CCDC88C: variants seen among roughly 807,000 people sequenced by gnomAD.
CCDC88C encodes protein Daple.
A neutral mutation model predicts 198.8 loss-of-function variants in CCDC88C; 131 were observed. The ratio of observed to expected loss-of-function variants is 0.66; its 90% CI spans 0.57 to 0.76. The LOEUF is 0.76. Among genes scored for constraint, CCDC88C ranks in the 30% least tolerant of loss-of-function variants. The probability of loss-of-function intolerance (pLI) is 0.00; values close to 1 mark genes in which losing one functional copy is unlikely to be tolerated. For missense variants in CCDC88C, 2,553 were observed against 2,631.6 expected (o/e 0.97, Z 0.65); for synonymous variants, 1,166 against 1,114.7 (o/e 1.05, Z -0.92).
chr14:91,304,752 G>A (rs1187989717), intron 19 of CCDC88C, among the ~76,000 whole-genome samples: 2 of 152,110 alleles, frequency 1.3e-5, no homozygotes, highest in Admixed American at 6.6e-5. Flanking sequence ...GAAGAGGAGG[G>A]AATACTTCCC....
intron 6 of CCDC88C, among the ~76,000 whole-genome samples, chr14:91,340,865 G>A (rs1436378090): frequency 6.6e-6 from 1 of 152,092 alleles, no homozygotes; most frequent in Non-Finnish European, 1.5e-5. Flanking sequence ...AGCCGGGCGA[G>A]GTGGCATGCA....
chr14:91,283,341 C>G lies in CCDC88C; in HGVS notation c.4618G>C (p.Gly1540Arg), dbSNP rs752041919. 3.4e-5 allele frequency: 55 copies of G among 1,613,434 alleles called. No homozygotes were observed. Among genetic ancestry groups the G allele is most frequent in the Non-Finnish European group, 4.7e-5 (55 of 1,179,818 alleles). The change falls in exon 26 of 30, where the codon GGC (glycine) becomes CGC (arginine). Residue 1540 changes from glycine (G) to arginine (R), a missense_variant. Physicochemically the swap from Gly to Arg is moderately radical, Grantham distance 125. Transcript: ENST00000389857. ...SNSTPIARHP[G>R]RTKGYNSDDN... ...GCCTGTGACTCACCTTTGGTGCGGC[C>G]TGGGTGCCGGGCGATGGGGGTGGAG...
rs1894206278 is a variant in CCDC88C at position 91,359,584 on chromosome 14, C to T, written c.340+58G>A. 4 of 1,395,756 alleles carry T rather than the reference C, an allele frequency of 2.9e-6. No homozygotes were observed. In the Admixed American group the frequency reaches 7.6e-5, roughly 26 times the overall value. 86.5% of individuals were successfully genotyped at this position (1,395,756 alleles called of 1,614,324 possible). ...GCCGGAGCTCGATGGCCAGCAGCTG[C>T]CCAACGCCATGCCTCTGGCTGGGCA... On this transcript the variant is annotated intron_variant, in intron 4 of 29. Transcript: ENST00000389857.
intron 13 of CCDC88C, among the ~76,000 whole-genome samples, chr14:91,320,438 G>A (rs969277526): frequency 3.7e-4 from 56 of 152,228 alleles, no homozygotes; most frequent in Admixed American, 2.0e-3. Flanking sequence ...ACCACTCCCC[G>A]CACCCACCGC....
In CCDC88C at chr14:91,307,590, G is replaced by A. The variant is rs189613936; in HGVS notation, c.3007-364C>T. 9.2e-5 allele frequency among the ~76,000 whole-genome samples: 14 copies of A among 152,372 alleles called. No individual in the cohort carries two copies. The East Asian group carries it at 2.3e-3, about 25-fold the overall frequency. On this transcript the variant is annotated intron_variant, in intron 17 of 29. Transcript: ENST00000389857. ...GGGATGAGGTCTCAAAGCCCCTGCTGGCACTGGAGCAGCTTTATCCAGATT... is the reference window on the plus strand; with the variant it reads ...GGGATGAGGTCTCAAAGCCCCTGCTAGCACTGGAGCAGCTTTATCCAGATT...
intron 18 of CCDC88C, 35 bp from the exon 19 acceptor site, chr14:91,305,961 C>T (rs1306096935): frequency 6.2e-6 from 10 of 1,600,132 alleles, no homozygotes; most frequent in East Asian, 2.2e-5. Flanking sequence ...AATCAAACTC[C>T]AACTGGGTAA....
At chr14:91,278,299 C>T (rs1214436490) in intron 28 of CCDC88C, 88 bp from the exon 29 acceptor site, 6 of 1,261,108 alleles carry the variant, frequency 4.8e-6, no homozygotes, top group Non-Finnish European at 5.3e-6. Flanking sequence ...CCTTTGCCCA[C>T]TTCAAACTAT....
intron 3 of CCDC88C, among the ~76,000 whole-genome samples, chr14:91,399,646 T>C (rs1475336446): frequency 6.6e-6 from 1 of 151,998 alleles, no homozygotes; most frequent in Admixed American, 6.6e-5. Context: ...AAGACCAGCC[T>C]GGCCAACACG....
intron 2 of CCDC88C, among the ~76,000 whole-genome samples, chr14:91,415,988 C>T (rs116128920): frequency 0.011 from 1,706 of 152,146 alleles, 32 homozygotes; most frequent in African/African-American, 0.04. Context: ...TGAATCATCC[C>T]GACACTCAGT....
chr14:91,402,080 G>C (rs907570272), intron 3 of CCDC88C, among the ~76,000 whole-genome samples: 2 of 152,046 alleles, frequency 1.3e-5, no homozygotes, highest in African/African-American at 4.8e-5. Context: ...TTTGAGACCA[G>C]CCTGGTCAAC....
intron 10 of CCDC88C, among the ~76,000 whole-genome samples, chr14:91,330,096 C>T (rs1227834341): frequency 6.6e-6 from 1 of 152,270 alleles, no homozygotes; most frequent in Non-Finnish European, 1.5e-5. Context: ...GTGCATGGGG[C>T]ACAGAGGACC....
At chr14:91,415,484 G>A (rs1402493028) in intron 2 of CCDC88C, among the ~76,000 whole-genome samples, 2 of 152,178 alleles carry the variant, frequency 1.3e-5, no homozygotes, top group Non-Finnish European at 2.9e-5. Flanking sequence ...CAGCACTTTG[G>A]GAGGCCAAGG....
At chr14:91,353,542 C>T (rs1200006180) in intron 4 of CCDC88C, among the ~76,000 whole-genome samples, 48 of 152,194 alleles carry the variant, frequency 3.2e-4, no homozygotes. Flanking sequence ...GGCTGAGGGG[C>T]AGCCAGCTAA....
At chr14:91,359,755 C>G (rs777282821) in intron 3 of CCDC88C, 44 bp from the exon 4 acceptor site, 10 of 1,539,950 alleles carry the variant, frequency 6.5e-6, no homozygotes, top group Non-Finnish European at 3.6e-6. Flanking sequence ...GAACCGGAAA[C>G]AAAAATAAAG....
chr14:91,324,574 G>GT (rs1206888279), intron 12 of CCDC88C, among the ~76,000 whole-genome samples: 2 of 152,220 alleles, frequency 1.3e-5, no homozygotes, highest in African/African-American at 4.8e-5. Flanking sequence ...TGTGTTTTGC[G>GT]TCCTGACATC....
rs374621406 is a variant in CCDC88C, at chr14:91,289,266, T to A, written c.4280A>T (p.Lys1427Ile). 1.1e-4 allele frequency: 185 copies of A among 1,613,906 alleles called. No individual in the cohort carries two copies. The highest frequency in any genetic ancestry group is 1.5e-4 in the Non-Finnish European group (175 of 1,179,890). The change falls in exon 25 of 30, where the codon AAA becomes ATA. Residue 1427 changes from lysine (K) to isoleucine (I), a missense_variant. Lys to Ile is a moderately radical substitution (Grantham distance 102). Coordinates refer to ENST00000389857, the MANE Select transcript of CCDC88C (RefSeq NM_001080414.4). ...PKKEGSRERL[K>I]STVDSPPWQL... ...CCAGGGAGGGCTGTCCACGGTGGAT[T>A]TTAAGCGTTCCCTCGAACCCTCTTT...
At position 91,284,502 on chromosome 14, in the gene CCDC88C, T is replaced by A. The variant is rs1890323077; in HGVS notation, c.4442-985A>T. Reference sequence around the variant, plus strand: ...GAATCGGGACAGGTCATCCTACAGGTGAAGCTAAAATGAGGATCCACAGGG... The same window carrying A: ...GAATCGGGACAGGTCATCCTACAGGAGAAGCTAAAATGAGGATCCACAGGG... On this transcript the variant is annotated intron_variant, in intron 25 of 29. Coordinates refer to ENST00000389857, the MANE Select transcript of CCDC88C (RefSeq NM_001080414.4). The surrounding 1 kb of genome is among the most constrained non-coding windows in gnomAD (Gnocchi z 4.1). Among the ~76,000 whole-genome samples the A allele has an allele frequency of 6.6e-6, 1 of 152,032 alleles. No individual in the cohort carries two copies. Among genetic ancestry groups the A allele is most frequent in the South Asian group, 2.1e-4 (1 of 4,816 alleles).
At chr14:91,407,549 ACC>A (rs1413522526) in intron 3 of CCDC88C, among the ~76,000 whole-genome samples, 1 of 152,132 alleles carries the variant, frequency 6.6e-6, no homozygotes, top group African/African-American at 2.4e-5. Flanking sequence ...AGTCCCGGGA[ACC>A]CAGACAGATG....
chr14:91,283,406 C>T lies in CCDC88C; in HGVS notation c.4553G>A (p.Arg1518Gln), dbSNP rs926521187. The change falls in exon 26 of 30, where the codon CGG becomes CAG. Residue 1518 changes from arginine (R) to glutamine (Q), a missense_variant. Around this residue, in one of 2 missense-constraint regions of CCDC88C, gnomAD observed 1,293 missense variants for 1,219.6 expected, o/e 1.06. Transcript: ENST00000389857. ...MRSWPSELGS[R>Q]TCSTSATTTA... ...AGTGGTGGCTGAAGTTGAGCAAGTC[C>T]GGGAGCCCAGCTCCGAGGGCCAGGA... The T allele has an allele frequency of 1.1e-5, 17 of 1,613,574 alleles. No homozygotes were observed. The highest frequency in any genetic ancestry group is 1.4e-5 in the Non-Finnish European group (16 of 1,179,830).
Sources: allele counts gnomAD v4.1 joint callset (sites outside exome capture counted in the v4.1 genomes callset), GRCh38; gene constraint gnomAD v4.1.1; regional missense constraint gnomAD v4.1.1; non-coding constraint Gnocchi (gnomAD v3.1); transcripts MANE v1.5; gene names NCBI Gene and HGNC (gene_info 2026-07-23, HGNC 2026-07-21).